The following SLC17A6 variants were observed in gnomAD, a reference collection of about 807,000 sequenced individuals.
The protein encoded by SLC17A6 is solute carrier family 17 member 6.
SLC17A6 carries 35 observed loss-of-function variants against 67.1 expected under a neutral mutation model. The observed-to-expected ratio is 0.52, with a 90% confidence interval of 0.40 to 0.69. The LOEUF is 0.69. SLC17A6 is among the 30% of genes least tolerant of loss of function. The pLI is 0.00. For missense variants in SLC17A6, 588 were observed against 723.9 expected, an observed-to-expected ratio of 0.81 and a Z score of 2.15; for synonymous variants, 285 against 252.3, an observed-to-expected ratio of 1.13 and a Z score of -1.23.
At chr11:22,371,192 C>T (rs1277278687) in intron 8 of SLC17A6, among the ~76,000 whole-genome samples, 2 of 151,968 alleles carry the variant, frequency 1.3e-5, no homozygotes, top group African/African-American at 4.8e-5. Flanking sequence ...TGCTCAATGC[C>T]ATCTCTGTGC....
chr11:22,341,667 A>T lies in SLC17A6; in HGVS notation c.226A>T (p.Met76Leu). Residue 76 changes from methionine (M) to leucine (L), a missense_variant, in exon 2 of 12, where the codon ATG becomes TTG. This residue lies in a region of SLC17A6 where 117 missense variants were observed against 98.7 expected (regional missense o/e 1.19). Transcript: ENST00000263160. ...GLPRRYIIAI[M>L]SGLGFCISFG... is the part of the protein sequence containing the mutation. ...GCCCCGCCGCTACATTATCGCCATC[A>T]TGAGCGGCCTGGGCTTCTGCATCTC... The T allele has an allele frequency of 1.2e-6, 2 of 1,614,190 alleles. No individual in the cohort carries two copies. Among genetic ancestry groups the T allele is most frequent in the Non-Finnish European group, 1.7e-6 (2 of 1,180,032 alleles).
At chr11:22,370,965 C>T (rs527281403) in intron 8 of SLC17A6, among the ~76,000 whole-genome samples, 4 of 152,060 alleles carry the variant, frequency 2.6e-5, no homozygotes, top group Non-Finnish European at 4.4e-5. Flanking sequence ...TCATGAACAA[C>T]CTTTGTTGTT....
At chr11:22,363,285 C>T (rs975704228) in intron 6 of SLC17A6, among the ~76,000 whole-genome samples, 11 of 152,090 alleles carry the variant, frequency 7.2e-5, no homozygotes, top group Non-Finnish European at 1.3e-4. Context: ...TATTCAATTC[C>T]GTAATGAAAT....
chr11:22,359,177 G>A (rs2133868841), intron 3 of SLC17A6, among the ~76,000 whole-genome samples: 1 of 152,210 alleles, frequency 6.6e-6, no homozygotes, highest in African/African-American at 2.4e-5. Flanking sequence ...ATAACCAAAT[G>A]TATTGACTCC....
intron 1 of SLC17A6, among the ~76,000 whole-genome samples, chr11:22,340,598 G>A (rs1049924220): frequency 5.3e-5 from 8 of 152,130 alleles, no homozygotes; most frequent in South Asian, 2.1e-4. Flanking sequence ...TCTGGGAGTC[G>A]CATTTTGCGT....
At chr11:22,368,479 G>A (rs1165957601) in intron 7 of SLC17A6, among the ~76,000 whole-genome samples, 1 of 151,906 alleles carries the variant, frequency 6.6e-6, no homozygotes, top group South Asian at 2.1e-4. Flanking sequence ...AACATTATCA[G>A]AATACCATAA....
chr11:22,376,478 G>C, intron 10 of SLC17A6, 67 bp from the exon 11 acceptor site: 2 of 1,580,930 alleles, frequency 1.3e-6, no homozygotes, highest in Non-Finnish European at 1.7e-6. Flanking sequence ...GTGATGTGTG[G>C]TTCTATAGGT....
chr11:22,351,461 G>T (rs973373085), intron 3 of SLC17A6, among the ~76,000 whole-genome samples: 1 of 151,946 alleles, frequency 6.6e-6, no homozygotes, highest in Non-Finnish European at 1.5e-5. Flanking sequence ...ATGAAGGCAG[G>T]CATACTGATA....
intron 3 of SLC17A6, among the ~76,000 whole-genome samples, chr11:22,346,671 T>G (rs1027390362): frequency 1.3e-5 from 2 of 151,924 alleles, no homozygotes; most frequent in Admixed American, 1.3e-4. Context: ...CAAATTATTT[T>G]TGTCTTTAAA....
At chr11:22,339,901 A>G (rs1855794237) in intron 1 of SLC17A6, among the ~76,000 whole-genome samples, 1 of 61,080 alleles carries the variant, frequency 1.6e-5, no homozygotes, top group Non-Finnish European at 2.9e-5. Flanking sequence ...AAGCAAATGC[A>G]GGAAATGAAA....
chr11:22,353,253 G>C (rs539551984), intron 3 of SLC17A6, among the ~76,000 whole-genome samples: 18 of 152,194 alleles, frequency 1.2e-4, no homozygotes, highest in African/African-American at 3.6e-4. Context: ...TACAGACCAA[G>C]AAATGAGGCT....
intron 3 of SLC17A6, among the ~76,000 whole-genome samples, chr11:22,344,245 G>T (rs2593694): frequency 0.25 from 38,656 of 151,952 alleles, 5,011 homozygotes; most frequent in East Asian, 0.3. Flanking sequence ...AGACTTCCAG[G>T]CTTTATTGTA....
At chr11:22,339,025 T>TA (rs1248395103) in intron 1 of SLC17A6, among the ~76,000 whole-genome samples, 70 of 138,256 alleles carry the variant, frequency 5.1e-4, no homozygotes, top group Non-Finnish European at 9.6e-4. Flanking sequence ...CACAACCATC[T>TA]AAAAAAATAA....
At chr11:22,339,908 GA>G (rs11322834) in intron 1 of SLC17A6, among the ~76,000 whole-genome samples, 119,174 of 149,568 alleles carry the variant, frequency 0.8, 47,818 homozygotes, top group African/African-American at 0.92. Flanking sequence ...TGCAGGAAAT[GA>G]AAAAAAAAAA....
intron 11 of SLC17A6, 101 bp downstream of exon 11, chr11:22,376,773 T>C (rs1396256712): frequency 2.7e-5 from 34 of 1,256,394 alleles, no homozygotes; most frequent in Middle Eastern, 2.1e-4. Context: ...ATTTTCTTTC[T>C]TGTCCAGTCA....
chr11:22,362,308 A>G (rs776223050), intron 5 of SLC17A6: 128 of 370,420 alleles, frequency 3.5e-4, no homozygotes, highest in Non-Finnish European at 2.5e-4. Context: ...GAGAAAAACA[A>G]TTAAAATGAA....
At chr11:22,345,510 A>T (rs1258585509) in intron 3 of SLC17A6, among the ~76,000 whole-genome samples, 2 of 152,066 alleles carry the variant, frequency 1.3e-5, no homozygotes, top group African/African-American at 4.8e-5. Context: ...AATTTTTGGA[A>T]TTCCTATTTG....
chr11:22,353,776 TG>T (rs1855967299), intron 3 of SLC17A6, among the ~76,000 whole-genome samples: 1 of 152,236 alleles, frequency 6.6e-6, no homozygotes, highest in Non-Finnish European at 1.5e-5. Flanking sequence ...GTAAGCCCTT[TG>T]TTTCCACTAT....
intron 3 of SLC17A6, among the ~76,000 whole-genome samples, chr11:22,348,787 A>C (rs1451934725): frequency 6.6e-6 from 1 of 152,242 alleles, no homozygotes; most frequent in African/African-American, 2.4e-5. Context: ...TATAAAAATA[A>C]ATTTTAATAT....
Sources: allele counts gnomAD v4.1 joint callset (sites outside exome capture counted in the v4.1 genomes callset), GRCh38; gene constraint gnomAD v4.1.1; regional missense constraint gnomAD v4.1.1; transcripts MANE v1.5; gene names NCBI Gene and HGNC (gene_info 2026-07-23, HGNC 2026-07-21).